The following ATP6V1E2 variants were observed in gnomAD, a reference collection of about 807,000 sequenced individuals.
ATP6V1E2 encodes the protein V-type proton ATPase subunit E 2.
For synonymous variants in ATP6V1E2, 121 were observed against 104.2 expected (o/e 1.16, Z -0.98); for missense variants, 308 against 273.3 (o/e 1.13, Z -0.90).
rs777379883 is a variant in ATP6V1E2, at chr2:46,511,979, A to C, written c.*52T>G. On this transcript the variant is annotated 3_prime_UTR_variant, in exon 5 of 5. Transcript: ENST00000522587. Reference sequence around the variant, plus strand: ...ACTACTAGTTTCCTTTCCCCAAAAAACTTAAACTTTTATGGTTTAGTGGTT... The same window carrying C: ...ACTACTAGTTTCCTTTCCCCAAAAACCTTAAACTTTTATGGTTTAGTGGTT... The C allele has an allele frequency of 1.1e-5, 17 of 1,500,830 alleles. No homozygotes were observed. Among genetic ancestry groups the C allele is most frequent in the Non-Finnish European group, 1.4e-5 (16 of 1,123,526 alleles). The allele number at this position is 1,500,830 out of a possible 1,614,324, so 93.0% of individuals were successfully genotyped here. A position where few individuals can be genotyped will look rare whatever the true frequency, so the allele number is the denominator to read the frequency against.
intron 4 of ATP6V1E2, among the ~76,000 whole-genome samples, chr2:46,529,206 G>A (rs547566011): frequency 1.3e-5 from 2 of 152,346 alleles, no homozygotes; most frequent in South Asian, 4.1e-4. Flanking sequence ...ACATTCAGAT[G>A]CCCAACACTG....
intron 2 of ATP6V1E2, among the ~76,000 whole-genome samples, chr2:46,539,968 G>A (rs1667646808): frequency 6.6e-6 from 1 of 152,176 alleles, no homozygotes; most frequent in Admixed American, 6.5e-5. Flanking sequence ...GAATGGTTTA[G>A]CTAGAAGTGA....
At chr2:46,513,262 C>T (rs1402329080) in intron 4 of ATP6V1E2, among the ~76,000 whole-genome samples, 2 of 152,172 alleles carry the variant, frequency 1.3e-5, no homozygotes, top group African/African-American at 2.4e-5. Flanking sequence ...AACCTTCAAA[C>T]GATACAGAGA....
Position 46,512,817 on chromosome 2 carries a change from AC to A in ATP6V1E2, c.-101-6del. 1.1e-6 allele frequency: 1 copy of A among 946,052 alleles called. No individual in the cohort carries two copies. The highest frequency in any genetic ancestry group is 1.5e-6 in the Non-Finnish European group (1 of 646,162). The allele number at this position is 946,052 out of a possible 1,614,324, so 58.6% of individuals were successfully genotyped here. ...TCTGGAGTTCCACTTTCTCAGCTAT[AC>A]CAGTGAACAAGAGGATGAAAGAGAA... On this transcript the variant is annotated splice_polypyrimidine_tract_variant and splice_region_variant and intron_variant, in intron 4 of 4. Transcript: ENST00000522587.
intron 4 of ATP6V1E2, among the ~76,000 whole-genome samples, chr2:46,516,787 A>G (rs1397985614): frequency 2.6e-5 from 4 of 152,188 alleles, no homozygotes; most frequent in African/African-American, 9.6e-5. Context: ...TCAAGGAACT[A>G]GAATACTTGT....
intron 4 of ATP6V1E2, among the ~76,000 whole-genome samples, chr2:46,516,508 C>A (rs1285630422): frequency 6.6e-6 from 1 of 152,126 alleles, no homozygotes; most frequent in Non-Finnish European, 1.5e-5. Flanking sequence ...AAGCAGGAAT[C>A]GCTTGAACCT....
At chr2:46,521,277 T>C (rs1340945999) in intron 4 of ATP6V1E2, among the ~76,000 whole-genome samples, 2 of 152,074 alleles carry the variant, frequency 1.3e-5, no homozygotes, top group Non-Finnish European at 2.9e-5. Context: ...CCACATGAGC[T>C]TGTGAGTATC....
chr2:46,540,529 G>T (rs1667688962), intron 2 of ATP6V1E2, among the ~76,000 whole-genome samples: 4 of 149,036 alleles, frequency 2.7e-5, no homozygotes, highest in Admixed American at 2.0e-4. Flanking sequence ...TAAAAGGAGA[G>T]AAGCAAGCAG....
Position 46,512,110 on chromosome 2 carries a change from T to G in ATP6V1E2, c.602A>C (p.Asp201Ala). ...KVSNTLESRL[D>A]LSAKQKMPEI... ...TGGCATCTTTTGCTTGGCTGAGAGA[T>G]CCAGTCGGCTTTCCAAGGTATTTGA... The change falls in exon 5 of 5, where the codon GAT (aspartate) becomes GCT (alanine). Residue 201 changes from aspartate to alanine, a missense_variant. Coordinates refer to ENST00000522587, the MANE Select transcript of ATP6V1E2 (RefSeq NM_001318063.2). 1.9e-6 allele frequency: 3 copies of G among 1,614,118 alleles called. No homozygotes were observed. Among genetic ancestry groups the G allele is most frequent in the Non-Finnish European group, 2.5e-6 (3 of 1,180,014 alleles).
intron 4 of ATP6V1E2, among the ~76,000 whole-genome samples, chr2:46,521,687 T>C (rs80041976): frequency 0.016 from 2,500 of 152,194 alleles, 69 homozygotes; most frequent in African/African-American, 0.057. Context: ...TGTCTTTCTT[T>C]CTTCTCTTTT....
intron 4 of ATP6V1E2, among the ~76,000 whole-genome samples, chr2:46,533,671 G>A (rs1166777109): frequency 1.3e-5 from 2 of 152,174 alleles, no homozygotes; most frequent in African/African-American, 4.8e-5. Flanking sequence ...ATTTCTTTGT[G>A]TAGGTCAGTG....
chr2:46,515,467 C>T (rs1478752061), intron 4 of ATP6V1E2, among the ~76,000 whole-genome samples: 1 of 151,986 alleles, frequency 6.6e-6, no homozygotes, highest in Non-Finnish European at 1.5e-5. Flanking sequence ...TTCATGTTAG[C>T]CCACAGTTAC....
At chr2:46,527,533 T>G (rs574808882) in intron 4 of ATP6V1E2, among the ~76,000 whole-genome samples, 1 of 152,216 alleles carries the variant, frequency 6.6e-6, no homozygotes, top group South Asian at 2.1e-4. Context: ...TCCAACTAAT[T>G]TTTAAATTTT....
chr2:46,521,460 T>A (rs1301491240), intron 4 of ATP6V1E2, among the ~76,000 whole-genome samples: 1 of 152,140 alleles, frequency 6.6e-6, no homozygotes, highest in Non-Finnish European at 1.5e-5. Flanking sequence ...TCTGGGTGTG[T>A]GCTTCCTACC....
chr2:46,524,517 T>C (rs1303868937), intron 4 of ATP6V1E2, among the ~76,000 whole-genome samples: 1 of 152,118 alleles, frequency 6.6e-6, no homozygotes, highest in African/African-American at 2.4e-5. Flanking sequence ...AGCAATGCCT[T>C]GTGGTTTCAG....
intron 4 of ATP6V1E2, among the ~76,000 whole-genome samples, chr2:46,524,298 T>C (rs1666784333): frequency 6.6e-6 from 1 of 151,804 alleles, no homozygotes; most frequent in Non-Finnish European, 1.5e-5. Flanking sequence ...AGAACACCAA[T>C]AGGGAGGGAG....
intron 4 of ATP6V1E2, among the ~76,000 whole-genome samples, chr2:46,525,550 A>G (rs1226146277): frequency 1.3e-5 from 2 of 151,372 alleles, no homozygotes; most frequent in Non-Finnish European, 3.0e-5. Context: ...GGCAAGGGCG[A>G]GAGAGTTCAT....
chr2:46,540,077 G>C (rs558803589), intron 2 of ATP6V1E2, among the ~76,000 whole-genome samples: 2 of 152,262 alleles, frequency 1.3e-5, no homozygotes, highest in Admixed American at 6.5e-5. Context: ...AATGAATTAA[G>C]TATGAGAGGA....
chr2:46,518,370 C>T (rs1388710490), intron 4 of ATP6V1E2, among the ~76,000 whole-genome samples: 1 of 151,926 alleles, frequency 6.6e-6, no homozygotes, highest in African/African-American at 2.4e-5. Context: ...GGGTTCTGTT[C>T]AATGGGTGTA....
Sources: gnomAD v4.1 joint callset for allele counts (sites outside exome capture counted in the v4.1 genomes callset) on GRCh38, gnomAD v4.1.1 for gene constraint, MANE v1.5 for transcripts, NCBI Gene and HGNC (gene_info 2026-07-23, HGNC 2026-07-21) for gene names.